SLC35E3: variants seen among roughly 807,000 people sequenced by gnomAD.
SLC35E3 encodes the protein bladder cancer-overexpressed gene 1 protein.
In SLC35E3, 28 loss-of-function variants were observed where a neutral mutation model predicts 30.8. The ratio of observed to expected loss-of-function variants is 0.91; its 90% confidence interval spans 0.67 to 1.25. SLC35E3 has a LOEUF of 1.25. Ranked by LOEUF, SLC35E3 falls within the 50% of genes most tolerant of loss-of-function variation. The pLI is 0.00. For synonymous variants in SLC35E3, 146 were observed against 149.2 expected, an observed-to-expected ratio of 0.98 and a Z score of 0.16; for missense variants, 365 against 375.4, an observed-to-expected ratio of 0.97 and a Z score of 0.23.
chr12:68,765,913 T>C lies in SLC35E3; in HGVS notation c.*1023T>C, dbSNP rs929403015. The C allele has an allele frequency of 5.9e-5, 9 of 151,898 alleles. No homozygotes were observed. The highest frequency in any genetic ancestry group is 3.3e-4 in the Admixed American group (5 of 15,210). 9.4% of individuals were successfully genotyped at this position (151,898 alleles called of 1,614,324 possible). On this transcript the variant is annotated 3_prime_UTR_variant, in exon 5 of 5. Coordinates refer to ENST00000398004, the MANE Select transcript of SLC35E3 (RefSeq NM_018656.5). ...GGAAGGACACACAGTAGCTCTCTGCTTGCTGATAGATGGTTTCCCAGTGTG... is the reference window on the plus strand; with the variant it reads ...GGAAGGACACACAGTAGCTCTCTGCCTGCTGATAGATGGTTTCCCAGTGTG...
intron 3 of SLC35E3, among the ~76,000 whole-genome samples, chr12:68,757,617 C>G (rs867305061): frequency 6.6e-6 from 1 of 152,108 alleles, no homozygotes; most frequent in South Asian, 2.1e-4. Flanking sequence ...TAAAACAGAA[C>G]AATTATTGGT....
intron 4 of SLC35E3, among the ~76,000 whole-genome samples, chr12:68,759,804 C>T (rs1879178849): frequency 6.6e-6 from 1 of 151,948 alleles, no homozygotes; most frequent in South Asian, 2.1e-4. Context: ...TTTTCCCTTA[C>T]AAAAATTAAC....
intron 2 of SLC35E3, among the ~76,000 whole-genome samples, chr12:68,750,103 C>T (rs1156868511): frequency 6.6e-6 from 1 of 151,956 alleles, no homozygotes; most frequent in East Asian, 1.9e-4. Context: ...AAAAGGCACT[C>T]CAGGGGCGTT....
At position 68,746,286 on chromosome 12, in the gene SLC35E3, G is replaced by T; in HGVS notation, c.-92G>T. On this transcript the variant is annotated 5_prime_UTR_variant, in exon 1 of 5. Transcript: ENST00000398004. ...TCCTGGGTCAGACGGTGAGGTCGGCGTCTGCGAGGACGCGGCGGTGGAGTA... is the reference window on the plus strand; with the variant it reads ...TCCTGGGTCAGACGGTGAGGTCGGCTTCTGCGAGGACGCGGCGGTGGAGTA... The T allele has an allele frequency of 7.7e-7, 1 of 1,299,866 alleles. No homozygotes were observed. Among genetic ancestry groups the T allele is most frequent in the South Asian group, 1.4e-5 (1 of 69,056 alleles). The allele number at this position is 1,299,866 out of a possible 1,614,324, so 80.5% of individuals were successfully genotyped here.
In SLC35E3 at chr12:68,772,480, G is replaced by A. The variant is rs955227494; in HGVS notation, c.*7590G>A. ...AAGATAGGATTTCTTCTGATGTATC[G>A]AAGTTACTTTATACTTCATATGAAG... On this transcript the variant is annotated 3_prime_UTR_variant, in exon 5 of 5. Coordinates refer to ENST00000398004, the MANE Select transcript of SLC35E3 (RefSeq NM_018656.5). 10 of 151,888 alleles carry A rather than the reference G, an allele frequency of 6.6e-5. No individual in the cohort carries two copies. Among genetic ancestry groups the A allele is most frequent in the South Asian group, 4.2e-4 (2 of 4,804 alleles). 9.4% of individuals were successfully genotyped at this position (151,888 alleles called of 1,614,324 possible).
intron 3 of SLC35E3, among the ~76,000 whole-genome samples, chr12:68,758,019 G>C (rs1301873789): frequency 1.3e-5 from 2 of 151,788 alleles, no homozygotes; most frequent in Non-Finnish European, 2.9e-5. Context: ...TTGAACCTGG[G>C]AGGCAGAAGT....
intron 2 of SLC35E3, among the ~76,000 whole-genome samples, chr12:68,749,458 T>C (rs1878711377): frequency 6.6e-6 from 1 of 152,232 alleles, no homozygotes; most frequent in Non-Finnish European, 1.5e-5. Flanking sequence ...GAAAGATGGT[T>C]GACTCATTCA....
intron 4 of SLC35E3, among the ~76,000 whole-genome samples, chr12:68,762,941 T>C (rs12229810): frequency 0.55 from 82,852 of 151,900 alleles, 22,967 homozygotes; most frequent in Middle Eastern, 0.69. Context: ...GTGTGAACAC[T>C]GAGCTCTGCC....
intron 2 of SLC35E3, among the ~76,000 whole-genome samples, chr12:68,749,038 T>G (rs1878696830): frequency 2.0e-5 from 3 of 152,204 alleles, no homozygotes; most frequent in Admixed American, 2.0e-4. Flanking sequence ...TCATCTTTCT[T>G]GTTAAATGCA....
chr12:68,753,006 C>T (rs1186893099), intron 3 of SLC35E3, among the ~76,000 whole-genome samples: 3 of 151,176 alleles, frequency 2.0e-5, no homozygotes, highest in Non-Finnish European at 4.4e-5. Flanking sequence ...ATAAGCCAGG[C>T]GTGGTGGCAC....
intron 2 of SLC35E3, 113 bp from the exon 3 acceptor site, chr12:68,751,919 T>C (rs1339455960): frequency 2.1e-6 from 2 of 971,646 alleles, no homozygotes; most frequent in Admixed American, 3.0e-5. Flanking sequence ...AGACATTTTA[T>C]CTTCCCCTAG....
intron 3 of SLC35E3, 69 bp from the exon 4 acceptor site, chr12:68,759,088 A>T (rs148071189): frequency 1.8e-6 from 2 of 1,111,816 alleles, no homozygotes; most frequent in African/African-American, 3.1e-5. Context: ...ATGCCGAATG[A>T]AATGTATCTT....
chr12:68,766,530 G>A lies in SLC35E3; in HGVS notation c.*1640G>A. On this transcript the variant is annotated 3_prime_UTR_variant, in exon 5 of 5. Coordinates refer to ENST00000398004, the MANE Select transcript of SLC35E3 (RefSeq NM_018656.5). Reference sequence around the variant, plus strand: ...TAGCCCTATGTTTAAATGGCTCAAAGAAAAGACTATAAATGGAATTGAACA... The same window carrying A: ...TAGCCCTATGTTTAAATGGCTCAAAAAAAAGACTATAAATGGAATTGAACA... The A allele has an allele frequency of 1.1e-5, 2 of 181,938 alleles. No homozygotes were observed. Among genetic ancestry groups the A allele is most frequent in the South Asian group, 7.6e-5 (1 of 13,194 alleles). The allele number at this position is 181,938 out of a possible 1,614,324, so 11.3% of individuals were successfully genotyped here. A position where few individuals can be genotyped will look rare whatever the true frequency, so the allele number is the denominator to read the frequency against.
At chr12:68,751,652 A>G (rs1199619037) in intron 2 of SLC35E3, among the ~76,000 whole-genome samples, 1 of 152,124 alleles carries the variant, frequency 6.6e-6, no homozygotes, top group Non-Finnish European at 1.5e-5. Flanking sequence ...CCAACACTGC[A>G]TCTGTATTCC....
At chr12:68,753,809 T>TACACACACACACACACAC (rs1229325376) in intron 3 of SLC35E3, among the ~76,000 whole-genome samples, 1 of 148,484 alleles carries the variant, frequency 6.7e-6, no homozygotes, top group Non-Finnish European at 1.5e-5. Context: ...TATATATCCA[T>TACACACACACACACACAC]ACACACACAC....
At chr12:68,759,096 C>A in intron 3 of SLC35E3, 61 bp from the exon 4 acceptor site, 1 of 1,148,822 alleles carries the variant, frequency 8.7e-7, no homozygotes, top group Non-Finnish European at 1.3e-6. Context: ...TGAAATGTAT[C>A]TTTGCTTGAT....
At chr12:68,751,301 G>C (rs28517639) in intron 2 of SLC35E3, among the ~76,000 whole-genome samples, 45,691 of 140,316 alleles carry the variant, frequency 0.33, 7,089 homozygotes, top group Middle Eastern at 0.36. Context: ...CTCTGTCTTT[G>C]TTTTTTTTTT....
rs34635694 is a variant in SLC35E3 at position 68,780,481 on chromosome 12, CTTTTT to C, written c.*15609_*15613del. On this transcript the variant is annotated 3_prime_UTR_variant, in exon 5 of 5. Transcript: ENST00000398004. ...AGCCGTCCTGCCTGGCCTAGTCACA[CTTTTT>C]TTTTTTTTTTTTTTTTTGGAGACAG... is the stretch of plus-strand genomic sequence containing the variant. The C allele has an allele frequency of 2.4e-4, 26 of 109,632 alleles. No individual in the cohort carries two copies. The highest frequency in any genetic ancestry group is 4.1e-4 in the Non-Finnish European group (22 of 53,760). 6.8% of individuals were successfully genotyped at this position (109,632 alleles called of 1,614,324 possible).
intron 2 of SLC35E3, among the ~76,000 whole-genome samples, chr12:68,750,272 A>G (rs565501312): frequency 4.6e-5 from 7 of 152,344 alleles, no homozygotes; most frequent in East Asian, 1.9e-4. Context: ...TGCAGATTAT[A>G]TAAGTAGAGA....
Sources: allele counts gnomAD v4.1 joint callset (sites outside exome capture counted in the v4.1 genomes callset), GRCh38; gene constraint gnomAD v4.1.1; transcripts MANE v1.5; gene names NCBI Gene and HGNC (gene_info 2026-07-23, HGNC 2026-07-21).